The following GRIP1 variants were observed in gnomAD, a reference collection of about 807,000 sequenced individuals.
The protein encoded by GRIP1 is glutamate receptor-interacting protein 1.
GRIP1 carries 45 observed loss-of-function variants against 129.9 expected under a neutral mutation model. The ratio of observed to expected loss-of-function variants is 0.35; its 90% CI spans 0.27 to 0.44. The LOEUF (loss-of-function observed/expected upper bound fraction) is 0.44. GRIP1 is among the 20% of genes least tolerant of loss of function. GRIP1 has a pLI of 1.00. For synonymous variants in GRIP1, 530 were observed against 520.8 expected, an observed-to-expected ratio of 1.02 and a Z score of -0.24; for missense variants, 1,196 against 1,396.8, an observed-to-expected ratio of 0.86 and a Z score of 2.29.
rs536344004 is a variant in GRIP1 at position 66,539,681 on chromosome 12, A to G, written c.273-458T>C. ...TGTTTTTGCTGCCTCCCTTTTGTAC[A>G]TTTCACCTCTTTCAATAACTTCACT... On this transcript the variant is annotated intron_variant, in intron 3 of 24. Transcript: ENST00000359742. 1.9e-3 allele frequency among the ~76,000 whole-genome samples: 277 copies of G among 147,894 alleles called. 1 individual carries two copies. The highest frequency in any genetic ancestry group is 6.5e-3 in the African/African-American group (259 of 40,046).
intron 1 of GRIP1, among the ~76,000 whole-genome samples, chr12:66,862,448 C>T (rs1025657586): frequency 3.3e-5 from 5 of 151,998 alleles, no homozygotes; most frequent in Admixed American, 6.6e-5. Context: ...TTCTGGGGCA[C>T]ATTAATTATG....
intron 23 of GRIP1, among the ~76,000 whole-genome samples, chr12:66,362,372 C>CTTTATATATATATATATA (rs1565665253): frequency 1.3e-5 from 2 of 151,678 alleles, no homozygotes; most frequent in African/African-American, 4.9e-5. Context: ...AGGCTGGTCT[C>CTTTATATATATATATATA]CAACTCCTAA....
Position 66,462,940 on chromosome 12 carries a change from T to C in GRIP1, c.1026A>G (p.Leu342=), listed in dbSNP as rs1448219797. 6.2e-7 allele frequency: 1 copy of C among 1,613,712 alleles called. No individual in the cohort carries two copies. Among genetic ancestry groups the C allele is most frequent in the Non-Finnish European group, 8.5e-7 (1 of 1,179,860 alleles). The change falls in exon 9 of 25, where the codon CTA becomes CTG. Residue 342 remains leucine (L), a synonymous_variant. Transcript: ENST00000359742. ...CCATCTCACCATGGTCGGGCCCCTTTAGGGCCAGCCGGGTCTGATGATGGG... is the reference window on the plus strand; with the variant it reads ...CCATCTCACCATGGTCGGGCCCCTTCAGGGCCAGCCGGGTCTGATGATGGG... ...ILPHHQTRLA[L]KGPDHVKIQR... is the part of the protein sequence containing the mutation.
At chr12:66,700,950 C>T (rs1350850906) in intron 1 of GRIP1, among the ~76,000 whole-genome samples, 1 of 152,118 alleles carries the variant, frequency 6.6e-6, no homozygotes, top group Non-Finnish European at 1.5e-5. Flanking sequence ...ATGTGCTTGA[C>T]CTACATGTTC....
chr12:66,966,204 C>T (rs188092259), intron 1 of GRIP1, among the ~76,000 whole-genome samples: 26 of 152,160 alleles, frequency 1.7e-4, no homozygotes, highest in African/African-American at 5.8e-4. Context: ...AAGTTTTATT[C>T]AGCAGAAATT....
intron 1 of GRIP1, among the ~76,000 whole-genome samples, chr12:66,829,872 T>A (rs1286788407): frequency 6.6e-6 from 1 of 152,110 alleles, no homozygotes; most frequent in Non-Finnish European, 1.5e-5. Flanking sequence ...CACAGTCTCA[T>A]CATAACATTG....
At position 66,408,324 on chromosome 12, in the gene GRIP1, CAA is replaced by C. The variant is rs746804008; in HGVS notation, c.1839-1898_1839-1897del. ...TGAAACTCGGTCTGTACTAAAAATA[CAA>C]AAGTTAGCCAGGCGTGGTGGTGCAC... On this transcript the variant is annotated intron_variant, in intron 15 of 24. Coordinates refer to ENST00000359742, the MANE Select transcript of GRIP1 (RefSeq NM_001366722.1). Among the ~76,000 whole-genome samples the C allele has an allele frequency of 3.3e-5, 5 of 152,094 alleles. No individual in the cohort carries two copies. The South Asian group carries it at 8.3e-4, about 25-fold the overall frequency.
chr12:66,656,958 C>G (rs1396873739), intron 1 of GRIP1, among the ~76,000 whole-genome samples: 1 of 152,048 alleles, frequency 6.6e-6, no homozygotes, highest in Non-Finnish European at 1.5e-5. Context: ...TCTCAATTTT[C>G]TCTACTAGAT....
intron 1 of GRIP1, among the ~76,000 whole-genome samples, chr12:66,715,871 A>G (rs1373082502): frequency 6.6e-6 from 1 of 152,058 alleles, no homozygotes; most frequent in Non-Finnish European, 1.5e-5. Flanking sequence ...AGGAACATTC[A>G]TCAGGCCAGC....
intron 8 of GRIP1, 133 bp from the exon 9 acceptor site, chr12:66,463,226 T>C: frequency 1.2e-6 from 1 of 801,008 alleles, no homozygotes; most frequent in Non-Finnish European, 2.1e-6. Flanking sequence ...TTGAGTGTTA[T>C]AGGAAACACC....
chr12:66,348,214 T>C lies in GRIP1; in HGVS notation c.*805A>G, dbSNP rs1811878390. 1 of 152,220 alleles carries C rather than the reference T, an allele frequency of 6.6e-6. No individual in the cohort carries two copies. Among genetic ancestry groups the C allele is most frequent in the Non-Finnish European group, 1.5e-5 (1 of 68,048 alleles). 9.4% of individuals were successfully genotyped at this position (152,220 alleles called of 1,614,324 possible). A position where few individuals can be genotyped will look rare whatever the true frequency, so the allele number is the denominator to read the frequency against. On this transcript the variant is annotated 3_prime_UTR_variant, in exon 25 of 25. Coordinates refer to ENST00000359742, the MANE Select transcript of GRIP1 (RefSeq NM_001366722.1). ...ATCATTAAGATGAACCTCATTTTAATAGACTCTTCATTCTCTGAAGTTCTT... is the reference window on the plus strand; with the variant it reads ...ATCATTAAGATGAACCTCATTTTAACAGACTCTTCATTCTCTGAAGTTCTT...
intron 7 of GRIP1, among the ~76,000 whole-genome samples, chr12:66,505,455 C>A (rs2060501944): frequency 6.6e-6 from 1 of 152,216 alleles, no homozygotes; most frequent in African/African-American, 2.4e-5. Flanking sequence ...GCTTAGCCTG[C>A]TGTCATCCTG....
intron 1 of GRIP1, among the ~76,000 whole-genome samples, chr12:67,028,589 A>G (rs1480820367): frequency 6.6e-6 from 1 of 152,192 alleles, no homozygotes; most frequent in Non-Finnish European, 1.5e-5. Flanking sequence ...AGTTTTAAGA[A>G]TGCTTTTTAT....
At chr12:66,368,406 G>C (rs1485290968) in intron 23 of GRIP1, among the ~76,000 whole-genome samples, 1 of 152,182 alleles carries the variant, frequency 6.6e-6, no homozygotes, top group Non-Finnish European at 1.5e-5. Context: ...ATGTGAGAAA[G>C]AGCCACCAGA....
intron 1 of GRIP1, among the ~76,000 whole-genome samples, chr12:66,736,265 C>T (rs1254452300): frequency 6.6e-6 from 1 of 151,028 alleles, no homozygotes; most frequent in African/African-American, 2.4e-5. Flanking sequence ...CTGTAACCTC[C>T]AACTCCTGGG....
chr12:66,409,636 T>C (rs1016823570), intron 15 of GRIP1, among the ~76,000 whole-genome samples: 1 of 152,168 alleles, frequency 6.6e-6, no homozygotes, highest in Non-Finnish European at 1.5e-5. Context: ...CAGACACCAA[T>C]GAACATCCAT....
At chr12:66,587,553 T>C (rs2063688135) in intron 2 of GRIP1, among the ~76,000 whole-genome samples, 2 of 152,236 alleles carry the variant, frequency 1.3e-5, no homozygotes, top group Admixed American at 1.3e-4. Context: ...TTCACATCTA[T>C]ATTCCTAGCA....
intron 1 of GRIP1, among the ~76,000 whole-genome samples, chr12:66,637,939 T>C (rs2031558162): frequency 6.6e-6 from 1 of 152,240 alleles, no homozygotes; most frequent in Non-Finnish European, 1.5e-5. Context: ...ATCACAATTT[T>C]ACTGGAAGTG....
chr12:66,840,091 C>T (rs1344611190), intron 1 of GRIP1, among the ~76,000 whole-genome samples: 1 of 152,094 alleles, frequency 6.6e-6, no homozygotes, highest in Non-Finnish European at 1.5e-5. Flanking sequence ...AATTCAAGCC[C>T]CATTCAAGCC....
Sources: allele counts gnomAD v4.1 joint callset (sites outside exome capture counted in the v4.1 genomes callset), GRCh38; gene constraint gnomAD v4.1.1; transcripts MANE v1.5; gene names NCBI Gene and HGNC (gene_info 2026-07-23, HGNC 2026-07-21).